The following PTPN21 variants were observed in gnomAD, a reference collection of about 807,000 sequenced individuals.
The protein encoded by PTPN21 is tyrosine-protein phosphatase non-receptor type 21.
A neutral mutation model predicts 131.8 loss-of-function variants in PTPN21; 77 were observed. That is an observed-to-expected ratio of 0.58 (90% confidence interval 0.49 to 0.71). The LOEUF (loss-of-function observed/expected upper bound fraction) is 0.71, where lower values mean the gene tolerates loss of function less well. Ranked by LOEUF, PTPN21 falls within the 30% of genes least tolerant of loss-of-function variation. The pLI, the probability that PTPN21 is intolerant of heterozygous loss-of-function variation, is 0.00. For missense variants in PTPN21, 1,552 were observed against 1,527.1 expected (o/e 1.02, Z -0.27); for synonymous variants, 715 against 621.3 (o/e 1.15, Z -2.24).
At chr14:88,489,793 AG>A (rs1268639550) in intron 10 of PTPN21, among the ~76,000 whole-genome samples, 1 of 151,106 alleles carries the variant, frequency 6.6e-6, no homozygotes, top group Non-Finnish European at 1.5e-5. Flanking sequence ...TGGGTAGACC[AG>A]GGCTGCATCC....
intron 12 of PTPN21, among the ~76,000 whole-genome samples, chr14:88,484,049 T>TG: frequency 6.9e-6 from 1 of 145,622 alleles, no homozygotes; most frequent in African/African-American, 2.5e-5. Context: ...TCTAAGGTGT[T>TG]TTTTTTTTTT....
At chr14:88,470,220 G>C in intron 15 of PTPN21, 170 bp from the exon 16 acceptor site, 1 of 641,578 alleles carries the variant, frequency 1.6e-6, no homozygotes, top group Non-Finnish European at 2.6e-6. Context: ...CTTTTCCCTT[G>C]TGAATACAAT....
intron 2 of PTPN21, among the ~76,000 whole-genome samples, chr14:88,531,014 T>C (rs915947759): frequency 6.6e-6 from 1 of 152,046 alleles, no homozygotes; most frequent in Non-Finnish European, 1.5e-5. Flanking sequence ...TGGAACATTC[T>C]CCAAGATAGA....
chr14:88,527,120 T>C (rs895423666), intron 2 of PTPN21, among the ~76,000 whole-genome samples: 9 of 152,256 alleles, frequency 5.9e-5, no homozygotes, highest in African/African-American at 1.7e-4. Context: ...TAAACATGTG[T>C]GTGCAAATGT....
At chr14:88,513,132 T>C (rs2078211105) in intron 3 of PTPN21, among the ~76,000 whole-genome samples, 1 of 152,142 alleles carries the variant, frequency 6.6e-6, no homozygotes, top group South Asian at 2.1e-4. Context: ...TAAGATATAT[T>C]TGGTATGTTT....
Position 88,469,383 on chromosome 14 carries a change from C to CTT in PTPN21, c.3235+115_3235+116insAA. On this transcript the variant is annotated intron_variant, in intron 17 of 18. Transcript: ENST00000556564. The surrounding 1 kb of genome is among the most constrained non-coding windows in gnomAD (Gnocchi z 4.3). ...AACACTTGTATTCTTTATGTTAAAACAAGTCCGAAGCTTATATGAGATAAC... is the reference window on the plus strand; with the variant it reads ...AACACTTGTATTCTTTATGTTAAAACTTAAGTCCGAAGCTTATATGAGATAAC... 1 of 961,646 alleles carries CTT rather than the reference C, an allele frequency of 1.0e-6. No homozygotes were observed. Among genetic ancestry groups the CTT allele is most frequent in the South Asian group, 1.6e-5 (1 of 60,860 alleles). The allele number at this position is 961,646 out of a possible 1,614,324, so 59.6% of individuals were successfully genotyped here.
At chr14:88,472,949 G>A (rs1265097438) in intron 14 of PTPN21, among the ~76,000 whole-genome samples, 1 of 152,152 alleles carries the variant, frequency 6.6e-6, no homozygotes, top group African/African-American at 2.4e-5. Context: ...ATTTTGGTGA[G>A]AAATATAATG....
At chr14:88,492,174 C>T (rs1566822630) in intron 10 of PTPN21, among the ~76,000 whole-genome samples, 1 of 152,168 alleles carries the variant, frequency 6.6e-6, no homozygotes, top group African/African-American at 2.4e-5. Flanking sequence ...AAGAAACAAA[C>T]TGAGGTAATA....
At chr14:88,532,944 C>T (rs2078574852) in intron 2 of PTPN21, among the ~76,000 whole-genome samples, 1 of 152,128 alleles carries the variant, frequency 6.6e-6, no homozygotes, top group Non-Finnish European at 1.5e-5. Context: ...CCTTTATTTA[C>T]GACAGATAGA....
chr14:88,488,273 T>G (rs1425342876), intron 10 of PTPN21, among the ~76,000 whole-genome samples: 1 of 152,140 alleles, frequency 6.6e-6, no homozygotes, highest in East Asian at 1.9e-4. Flanking sequence ...ATGCAGAGCT[T>G]CAGCACATGG....
At chr14:88,474,131 C>CA (rs754719071) in intron 13 of PTPN21, among the ~76,000 whole-genome samples, 5,627 of 44,224 alleles carry the variant, frequency 0.13, 142 homozygotes, top group Middle Eastern at 0.19. Context: ...AGCTGAAGTC[C>CA]AAAAAAAAAA....
intron 6 of PTPN21, among the ~76,000 whole-genome samples, chr14:88,503,176 C>A (rs754219061): frequency 6.6e-6 from 1 of 151,906 alleles, no homozygotes; most frequent in Non-Finnish European, 1.5e-5. Context: ...GCTGAGACTA[C>A]CGGTGCATGC....
At chr14:88,512,350 A>G (rs562904383) in intron 3 of PTPN21, 1 of 152,342 alleles carries the variant, frequency 6.6e-6, no homozygotes, top group African/African-American at 2.4e-5. Context: ...TGCCTCAAAA[A>G]TGCATTTTTA....
At chr14:88,481,658 G>A (rs2077654977) in intron 12 of PTPN21, among the ~76,000 whole-genome samples, 1 of 152,190 alleles carries the variant, frequency 6.6e-6, no homozygotes, top group Non-Finnish European at 1.5e-5. Context: ...GGAGTCCAGA[G>A]GAAGAAATGC....
chr14:88,497,409 G>GAAAAACA (rs775623988), intron 8 of PTPN21, 119 bp from the exon 9 acceptor site: 1 of 810,586 alleles, frequency 1.2e-6, no homozygotes, highest in East Asian at 2.6e-5. Flanking sequence ...ACATTTTTGA[G>GAAAAACA]AAAAACAAAA....
Position 88,531,374 on chromosome 14 carries a change from T to G in PTPN21, c.181-14113A>C, listed in dbSNP as rs546947470. Reference sequence around the variant, plus strand: ...GAGTTCAAGACCAGCCTGGCCAACATAGTGAAACCCCATCTCTACTAAAAT... The same window carrying G: ...GAGTTCAAGACCAGCCTGGCCAACAGAGTGAAACCCCATCTCTACTAAAAT... On this transcript the variant is annotated intron_variant, in intron 2 of 18. Coordinates refer to ENST00000556564, the MANE Select transcript of PTPN21 (RefSeq NM_007039.4). Among the ~76,000 whole-genome samples, 14 of 152,082 alleles carry G rather than the reference T, an allele frequency of 9.2e-5. No individual in the cohort carries two copies. The South Asian group carries it at 2.5e-3, about 27-fold the overall frequency.
At chr14:88,484,954 T>C (rs554679191) in intron 12 of PTPN21, 122 bp downstream of exon 12, 6 of 739,878 alleles carry the variant, frequency 8.1e-6, no homozygotes, top group Admixed American at 4.4e-5. Flanking sequence ...ATAGCTATTA[T>C]CATGATGCAA....
chr14:88,480,683 G>A (rs1315480600), intron 12 of PTPN21, among the ~76,000 whole-genome samples: 3 of 152,222 alleles, frequency 2.0e-5, no homozygotes. Flanking sequence ...AAGGCACTGG[G>A]CTGGGGACTC....
At chr14:88,514,492 T>C (rs1403640237) in intron 3 of PTPN21, among the ~76,000 whole-genome samples, 2 of 151,298 alleles carry the variant, frequency 1.3e-5, no homozygotes, top group East Asian at 3.9e-4. Flanking sequence ...GAGACAGAGT[T>C]TCACTCTTGT....
Sources: gnomAD v4.1 joint callset for allele counts (sites outside exome capture counted in the v4.1 genomes callset) on GRCh38, gnomAD v4.1.1 for gene constraint, Gnocchi (gnomAD v3.1) non-coding constraint, MANE v1.5 for transcripts, NCBI Gene and HGNC (gene_info 2026-07-23, HGNC 2026-07-21) for gene names.